The following CAMSAP1 variants were observed in gnomAD, a reference collection of about 807,000 sequenced individuals.
The protein encoded by CAMSAP1 is calmodulin-regulated spectrin-associated protein 1.
A neutral mutation model predicts 143.5 loss-of-function variants in CAMSAP1; 58 were observed. The ratio of observed to expected loss-of-function variants is 0.40; its 90% CI spans 0.33 to 0.50. CAMSAP1 has a LOEUF of 0.50. Among genes scored for constraint, CAMSAP1 ranks in the 20% least tolerant of loss-of-function variants. The pLI, the probability that CAMSAP1 is intolerant of heterozygous loss-of-function variation, is 0.45. For missense variants in CAMSAP1, 1,969 were observed against 2,115.7 expected (o/e 0.93, Z 1.36); for synonymous variants, 945 against 859.3 (o/e 1.10, Z -1.74).
Position 135,822,958 on chromosome 9 carries a change from C to T in CAMSAP1, c.1703G>A (p.Gly568Asp). Reference sequence around the variant, plus strand: ...GGGAGACCGGGCATTTGCTGTAAGGCCTAAGGCCCGGGGTGAGGCCCTGGG... The same window carrying T: ...GGGAGACCGGGCATTTGCTGTAAGGTCTAAGGCCCGGGGTGAGGCCCTGGG... ...EFPRASPRAL[G>D]LTANARSPQG... Residue 568 changes from glycine (G) to aspartate (D), a missense_variant, in exon 11 of 17, where the codon GGC becomes GAC. Around this residue, in one of 4 missense-constraint regions of CAMSAP1, gnomAD observed 1,390 missense variants for 1,420.8 expected, o/e 0.98. Coordinates refer to ENST00000389532, the MANE Select transcript of CAMSAP1 (RefSeq NM_015447.4). The surrounding 1 kb of genome is among the most constrained non-coding windows in gnomAD (Gnocchi z 6.1). 1 of 1,613,976 alleles carries T rather than the reference C, an allele frequency of 6.2e-7. No homozygotes were observed. The highest frequency in any genetic ancestry group is 8.5e-7 in the Non-Finnish European group (1 of 1,179,880).
intron 7 of CAMSAP1, among the ~76,000 whole-genome samples, chr9:135,842,283 G>A (rs1836382867): frequency 6.6e-6 from 1 of 152,252 alleles, no homozygotes; most frequent in Non-Finnish European, 1.5e-5. Context: ...AATAAAGCAT[G>A]AAGACAAGAT....
intron 1 of CAMSAP1, among the ~76,000 whole-genome samples, chr9:135,897,745 G>A (rs534950875): frequency 3.9e-5 from 6 of 152,132 alleles, no homozygotes; most frequent in Admixed American, 6.5e-5. Context: ...GATAAGTCAC[G>A]TACCAGGCAA....
At chr9:135,900,641 G>A (rs1378082122) in intron 1 of CAMSAP1, among the ~76,000 whole-genome samples, 1 of 151,974 alleles carries the variant, frequency 6.6e-6, no homozygotes, top group East Asian at 2.0e-4. Flanking sequence ...CTTGCAGTGA[G>A]CCAAGATCAT....
chr9:135,838,495 C>A lies in CAMSAP1; in HGVS notation c.1046-10911G>T, dbSNP rs372551904. 9.7e-3 allele frequency among the ~76,000 whole-genome samples: 1,390 copies of A among 143,480 alleles called. 51 individuals carry two copies. The highest frequency in any genetic ancestry group is 0.034 in the African/African-American group (1,277 of 37,306). 94.1% of individuals were successfully genotyped at this position (143,480 alleles called of 152,430 possible). ...GACACACATCATGCACTTTCTACCCCTTCTACAGACACACGTCATCACGCA... is the reference window on the plus strand; with the variant it reads ...GACACACATCATGCACTTTCTACCCATTCTACAGACACACGTCATCACGCA... On this transcript the variant is annotated intron_variant, in intron 7 of 16. Transcript: ENST00000389532.
At position 135,882,779 on chromosome 9, in the gene CAMSAP1, G is replaced by A. The variant is rs1468840932; in HGVS notation, c.423+37C>T. ...CCACACGAGAGCCCACGGCTCCAGAGGATGGCCCCTGGGGGCGGCCACCGC... is the reference window on the plus strand; with the variant it reads ...CCACACGAGAGCCCACGGCTCCAGAAGATGGCCCCTGGGGGCGGCCACCGC... On this transcript the variant is annotated intron_variant, in intron 2 of 16. Coordinates refer to ENST00000389532, the MANE Select transcript of CAMSAP1 (RefSeq NM_015447.4). The surrounding 1 kb of genome is among the most constrained non-coding windows in gnomAD (Gnocchi z 4.9). The A allele has an allele frequency of 5.2e-6, 8 of 1,534,556 alleles. No homozygotes were observed. The highest frequency in any genetic ancestry group is 7.0e-6 in the Non-Finnish European group (8 of 1,139,336).
At chr9:135,852,157 T>C (rs756287790) in intron 5 of CAMSAP1, among the ~76,000 whole-genome samples, 2 of 152,224 alleles carry the variant, frequency 1.3e-5, no homozygotes, top group Non-Finnish European at 2.9e-5. Context: ...CTGTGGACCC[T>C]GTCCATATCT....
Position 135,811,719 on chromosome 9 carries a change from TC to T in CAMSAP1, c.4507-109del. 9.5e-7 allele frequency: 1 copy of T among 1,050,426 alleles called. No homozygotes were observed. The highest frequency in any genetic ancestry group is 1.4e-6 in the Non-Finnish European group (1 of 723,710). 65.1% of individuals were successfully genotyped at this position (1,050,426 alleles called of 1,614,324 possible). On this transcript the variant is annotated intron_variant, in intron 16 of 16. Coordinates refer to ENST00000389532, the MANE Select transcript of CAMSAP1 (RefSeq NM_015447.4). This position sits in a 1 kb window ranked among gnomAD's most constrained non-coding sequence, Gnocchi z 4.9. The stretch of plus-strand genomic sequence containing the variant: ...ACCAGCACCGCTCCGTGGGAAGCTC[TC>T]CCACCCGTCAGCTACGGCCTGCCTG...
chr9:135,851,550 A>AGGGAACC (rs139536697), intron 5 of CAMSAP1, among the ~76,000 whole-genome samples: 2,063 of 152,290 alleles, frequency 0.014, 52 homozygotes, highest in African/African-American at 0.047. Flanking sequence ...CCATCTCCAA[A>AGGGAACC]GGGAACCATT....
intron 1 of CAMSAP1, among the ~76,000 whole-genome samples, chr9:135,904,186 G>A (rs1437185707): frequency 2.0e-5 from 3 of 152,012 alleles, no homozygotes; most frequent in South Asian, 4.2e-4. Flanking sequence ...TGGGCAAACA[G>A]ACCCCATTTT....
intron 7 of CAMSAP1, among the ~76,000 whole-genome samples, chr9:135,828,055 A>G (rs111420279): frequency 0.017 from 2,585 of 152,300 alleles, 62 homozygotes; most frequent in African/African-American, 0.058. Flanking sequence ...GCTTCTCTAG[A>G]CCCAGCATGT....
chr9:135,868,340 G>A (rs1480460787), intron 3 of CAMSAP1, among the ~76,000 whole-genome samples: 3 of 152,122 alleles, frequency 2.0e-5, no homozygotes, highest in Non-Finnish European at 4.4e-5. Context: ...GTGACCTCGG[G>A]ACATGCACCT....
intron 7 of CAMSAP1, among the ~76,000 whole-genome samples, chr9:135,837,922 A>C (rs1836150012): frequency 7.1e-6 from 1 of 141,764 alleles, no homozygotes. Flanking sequence ...CGCACTTTCC[A>C]CCTGTTCTAC....
chr9:135,818,873 G>T lies in CAMSAP1; in HGVS notation c.3959+137C>A. On this transcript the variant is annotated intron_variant, in intron 12 of 16. Transcript: ENST00000389532. This position sits in a 1 kb window ranked among gnomAD's most constrained non-coding sequence, Gnocchi z 7.7. ...GCAGGGGCCGTGAAAGTTCGGGGAG[G>T]TGGTCCATGGGAGGAGTAAGACCGT... 1 of 1,357,676 alleles carries T rather than the reference G, an allele frequency of 7.4e-7. No individual in the cohort carries two copies. The highest frequency in any genetic ancestry group is 1.4e-5 in the African/African-American group (1 of 69,180). 84.1% of individuals were successfully genotyped at this position (1,357,676 alleles called of 1,614,324 possible).
intron 4 of CAMSAP1, 113 bp downstream of exon 4, chr9:135,866,343 T>G (rs1837378040): frequency 6.1e-6 from 4 of 651,144 alleles, no homozygotes; most frequent in Admixed American, 2.5e-5. Flanking sequence ...ACTAGCTGCT[T>G]CTTTGGTGAG....
chr9:135,824,526 A>G lies in CAMSAP1; in HGVS notation c.1315+263T>C, dbSNP rs966481836. Among the ~76,000 whole-genome samples the G allele has an allele frequency of 6.6e-6, 1 of 152,130 alleles. No homozygotes were observed. The highest frequency in any genetic ancestry group is 1.5e-5 in the Non-Finnish European group (1 of 68,026). On this transcript the variant is annotated intron_variant, in intron 9 of 16. Transcript: ENST00000389532. The surrounding 1 kb of genome is among the most constrained non-coding windows in gnomAD (Gnocchi z 4.1). ...CTAAAAATACAAAAATTAACTGAGC[A>G]TGGTGGCATGCGCCTATAATCCCAG...
At position 135,819,672 on chromosome 9, in the gene CAMSAP1, TA is replaced by T. The variant is rs55894826; in HGVS notation, c.3823-527del. ...GACATGGCGAAACCCTGTCTCCACT[TA>T]AAAAAAAAAAAAAAAAAAAAAAAAT... On this transcript the variant is annotated intron_variant, in intron 11 of 16. Coordinates refer to ENST00000389532, the MANE Select transcript of CAMSAP1 (RefSeq NM_015447.4). 5.3e-3 allele frequency among the ~76,000 whole-genome samples: 551 copies of T among 104,632 alleles called. 1 individual carries two copies. The highest frequency in any genetic ancestry group is 7.9e-3 in the Admixed American group (77 of 9,734). The allele number at this position is 104,632 out of a possible 152,430, so 68.6% of individuals were successfully genotyped here.
chr9:135,849,725 T>C (rs1296956151), intron 7 of CAMSAP1: 1 of 153,886 alleles, frequency 6.5e-6, no homozygotes, highest in Non-Finnish European at 1.4e-5. Flanking sequence ...TTTTCCTTTG[T>C]GGCTAATATT....
intron 5 of CAMSAP1, among the ~76,000 whole-genome samples, chr9:135,856,999 A>G (rs1273670056): frequency 6.6e-6 from 1 of 152,156 alleles, no homozygotes; most frequent in Non-Finnish European, 1.5e-5. Flanking sequence ...TCTTCCTTCC[A>G]GGACTGTGGC....
At chr9:135,837,183 G>A (rs982639788) in intron 7 of CAMSAP1, among the ~76,000 whole-genome samples, 5 of 145,572 alleles carry the variant, frequency 3.4e-5, no homozygotes, top group African/African-American at 7.8e-5. Flanking sequence ...ACATCATCAC[G>A]CACTTTCTAC....
Sources: allele counts gnomAD v4.1 joint callset (sites outside exome capture counted in the v4.1 genomes callset), GRCh38; gene constraint gnomAD v4.1.1; regional missense constraint gnomAD v4.1.1; non-coding constraint Gnocchi (gnomAD v3.1); transcripts MANE v1.5; gene names NCBI Gene and HGNC (gene_info 2026-07-23, HGNC 2026-07-21).